RANBP2: variants seen among roughly 807,000 people sequenced by gnomAD.
RANBP2 encodes the protein RAN binding protein 2.
In RANBP2, 57 loss-of-function variants were observed where a neutral mutation model predicts 303.6. The ratio of observed to expected loss-of-function variants is 0.19; its 90% CI spans 0.15 to 0.23. The LOEUF (loss-of-function observed/expected upper bound fraction) is 0.23. Among genes scored for constraint, RANBP2 ranks in the 10% least tolerant of loss-of-function variants. The pLI, the probability that RANBP2 is intolerant of heterozygous loss-of-function variation, is 1.00. For synonymous variants in RANBP2, 1,167 were observed against 1,301.5 expected (o/e 0.90, Z 2.23); for missense variants, 3,138 against 3,780.8 (o/e 0.83, Z 4.46).
the RANBP2 span, among the ~76,000 whole-genome samples, chr2:109,411,158 G>A: frequency 2.0e-5 from 3 of 152,232 alleles, no homozygotes; most frequent in Non-Finnish European, 4.4e-5. Context: ...GTCACAGTCA[G>A]CAACTCTCAA....
chr2:109,302,291 A>G, the RANBP2 span, among the ~76,000 whole-genome samples: 168 of 152,328 alleles, frequency 1.1e-3, no homozygotes, highest in African/African-American at 3.6e-3. Flanking sequence ...TGTGACTGTA[A>G]TCATCCATAA....
chr2:109,257,630 A>G, the RANBP2 span, among the ~76,000 whole-genome samples: 1 of 152,068 alleles, frequency 6.6e-6, no homozygotes, highest in Non-Finnish European at 1.5e-5. Context: ...CCATCCCATG[A>G]AGAAGACTTT....
the RANBP2 span, among the ~76,000 whole-genome samples, chr2:108,973,640 T>C: frequency 6.6e-6 from 1 of 152,182 alleles, no homozygotes; most frequent in Admixed American, 6.5e-5. Context: ...GAAGGAGAAA[T>C]GCACTTTCCA....
the RANBP2 span, among the ~76,000 whole-genome samples, chr2:109,765,450 A>C: frequency 6.6e-6 from 1 of 150,420 alleles, no homozygotes; most frequent in Non-Finnish European, 1.5e-5. Flanking sequence ...GCTGTACAGG[A>C]TGCAAAGGAC....
At chr2:109,490,694 C>A in the RANBP2 span, 1 of 1,531,774 alleles carries the variant, frequency 6.5e-7, no homozygotes, top group South Asian at 1.2e-5. Flanking sequence ...CTCCAACCCA[C>A]GACCCCCAGG....
At chr2:108,931,368 A>G in the RANBP2 span, among the ~76,000 whole-genome samples, 2 of 152,198 alleles carry the variant, frequency 1.3e-5, no homozygotes, top group Non-Finnish European at 2.9e-5. Flanking sequence ...TTAAGTCTGG[A>G]GTCCTCCAGG....
the RANBP2 span, among the ~76,000 whole-genome samples, chr2:109,678,496 GCT>G: frequency 1.3e-5 from 2 of 152,226 alleles, no homozygotes; most frequent in South Asian, 4.1e-4. Context: ...AGACAGAGTT[GCT>G]CTCTCAATGT....
chr2:109,743,204 G>A, the RANBP2 span, among the ~76,000 whole-genome samples: 7 of 148,090 alleles, frequency 4.7e-5, no homozygotes, highest in African/African-American at 7.7e-5. Context: ...CTGGGAGGCC[G>A]ATGCTGCAGT....
chr2:109,426,974 ATATATT>A, the RANBP2 span, among the ~76,000 whole-genome samples: 3 of 107,468 alleles, frequency 2.8e-5, no homozygotes. Context: ...ATATATATAT[ATATATT>A]TTTTTTTGAG....
the RANBP2 span, among the ~76,000 whole-genome samples, chr2:109,350,060 G>A: frequency 6.6e-6 from 1 of 152,252 alleles, no homozygotes; most frequent in South Asian, 2.1e-4. Context: ...GATCACCAGG[G>A]GCAGGCCGGG....
the RANBP2 span, among the ~76,000 whole-genome samples, chr2:109,345,164 C>A: frequency 2.0e-5 from 3 of 152,198 alleles, no homozygotes; most frequent in African/African-American, 7.2e-5. Flanking sequence ...CTCAGTCTCT[C>A]TGGCTCTGCA....
At chr2:109,682,366 A>G in the RANBP2 span, among the ~76,000 whole-genome samples, 1 of 152,198 alleles carries the variant, frequency 6.6e-6, no homozygotes, top group South Asian at 2.1e-4. Flanking sequence ...TTTGAAATTC[A>G]GACATGGCTG....
rs1204769414 is a variant in RANBP2, at chr2:108,766,091, A to G, written c.5552A>G (p.Lys1851Arg). Residue 1851 changes from lysine to arginine, a missense_variant, in exon 20 of 29, where the codon AAG (lysine) becomes AGG (arginine). Coordinates refer to ENST00000283195, the MANE Select transcript of RANBP2 (RefSeq NM_006267.5). ...AGTAATTTCTCAGAAAAAGCTTCTA[A>G]GTTTGGCAATACAGAGCAAGGATTC... ...FKSNFSEKASKFGNTEQGFKF... is the reference protein window; with the variant it reads ...FKSNFSEKASRFGNTEQGFKF... 6.2e-7 allele frequency: 1 copy of G among 1,614,030 alleles called. No homozygotes were observed. Among genetic ancestry groups the G allele is most frequent in the African/African-American group, 1.3e-5 (1 of 74,920 alleles).
At chr2:109,571,764 G>C in the RANBP2 span, among the ~76,000 whole-genome samples, 366 of 152,284 alleles carry the variant, frequency 2.4e-3, 1 homozygote, top group Non-Finnish European at 4.5e-3. Flanking sequence ...TCTAGAACTA[G>C]TTGTTATAAG....
the RANBP2 span, among the ~76,000 whole-genome samples, chr2:109,200,516 C>T: frequency 5.3e-5 from 8 of 152,166 alleles, no homozygotes; most frequent in East Asian, 3.9e-4. Context: ...TCCAAGCCTC[C>T]GACTCTGCCC....
At chr2:109,550,149 G>C in the RANBP2 span, among the ~76,000 whole-genome samples, 2 of 151,764 alleles carry the variant, frequency 1.3e-5, no homozygotes, top group East Asian at 4.0e-4. Context: ...AATTAGCTGG[G>C]CATGGTGGCA....
chr2:109,409,579 G>A, the RANBP2 span, among the ~76,000 whole-genome samples: 1 of 152,124 alleles, frequency 6.6e-6, no homozygotes, highest in Non-Finnish European at 1.5e-5. Context: ...ATCTTCAGTG[G>A]TGAGCAAGCA....
intron 18 of RANBP2, among the ~76,000 whole-genome samples, chr2:108,761,055 C>G (rs1573800086): frequency 1.3e-5 from 2 of 150,354 alleles, no homozygotes; most frequent in Admixed American, 1.3e-4. Context: ...TAGAGCCGCA[C>G]AGTTTAGAGT....
At chr2:109,375,775 G>T in the RANBP2 span, among the ~76,000 whole-genome samples, 1 of 152,248 alleles carries the variant, frequency 6.6e-6, no homozygotes, top group Non-Finnish European at 1.5e-5. Context: ...AAGTTGACCT[G>T]CTTGGGGTCA....
Sources: allele counts gnomAD v4.1 joint callset (sites outside exome capture counted in the v4.1 genomes callset), GRCh38; gene constraint gnomAD v4.1.1; transcripts MANE v1.5; gene names NCBI Gene and HGNC (gene_info 2026-07-23, HGNC 2026-07-21).